NT5DC1: variants seen among roughly 807,000 people sequenced by gnomAD.
NT5DC1 encodes the protein 5'-nucleotidase domain containing 1.
NT5DC1 carries 42 observed loss-of-function variants against 59.4 expected under a neutral mutation model. The observed-to-expected ratio is 0.71, with a 90% CI of 0.55 to 0.92. NT5DC1 has a LOEUF of 0.92. NT5DC1 is among the 40% of genes least tolerant of loss of function. The pLI, the probability that NT5DC1 is intolerant of heterozygous loss-of-function variation, is 0.00. For synonymous variants in NT5DC1, 172 were observed against 188.1 expected (o/e 0.91, Z 0.70); for missense variants, 501 against 537.1 (o/e 0.93, Z 0.66).
intron 4 of NT5DC1, among the ~76,000 whole-genome samples, chr6:116,111,420 T>G (rs970180529): frequency 6.6e-6 from 1 of 152,220 alleles, no homozygotes; most frequent in Non-Finnish European, 1.5e-5. Context: ...TTTTAACTAT[T>G]TTTATTTTCT....
Position 116,147,015 on chromosome 6 carries a change from T to A in NT5DC1, c.529+29070T>A, listed in dbSNP as rs948457843. Among the ~76,000 whole-genome samples the A allele has an allele frequency of 3.7e-5, 5 of 136,084 alleles. No homozygotes were observed. In the East Asian group the frequency reaches 6.0e-4, roughly 16 times the overall value. 89.3% of individuals were successfully genotyped at this position (136,084 alleles called of 152,430 possible). A position where few individuals can be genotyped will look rare whatever the true frequency, so the allele number is the denominator to read the frequency against. Reference sequence around the variant, plus strand: ...AATAATATAAAATATATATATATATTTTTAATCATGTAGTCAGAAAGCCTT... The same window carrying A: ...AATAATATAAAATATATATATATATATTTAATCATGTAGTCAGAAAGCCTT... On this transcript the variant is annotated intron_variant, in intron 6 of 11. Transcript: ENST00000319550.
chr6:116,239,452 C>T (rs1028238642), intron 11 of NT5DC1, among the ~76,000 whole-genome samples: 4 of 152,060 alleles, frequency 2.6e-5, no homozygotes, highest in Non-Finnish European at 4.4e-5. Context: ...ATTCCGGAGG[C>T]GGCACCACAG....
chr6:116,200,556 T>C (rs1436100969), intron 6 of NT5DC1, among the ~76,000 whole-genome samples: 1 of 152,084 alleles, frequency 6.6e-6, no homozygotes, highest in East Asian at 1.9e-4. Flanking sequence ...ATTAAAATTT[T>C]ATTTTAAAAA....
At chr6:116,121,370 G>T (rs188598435) in intron 6 of NT5DC1, 1 of 1,614,124 alleles carries the variant, frequency 6.2e-7, no homozygotes, top group Non-Finnish European at 8.5e-7. Flanking sequence ...TTGGGGACCT[G>T]GTGGGCCAAT....
intron 6 of NT5DC1, among the ~76,000 whole-genome samples, chr6:116,129,450 A>G (rs1226560780): frequency 6.6e-6 from 1 of 152,322 alleles, no homozygotes; most frequent in South Asian, 2.1e-4. Context: ...TGCGAGGACT[A>G]TGCCCTCATA....
chr6:116,218,534 T>C (rs1781731375), intron 6 of NT5DC1, among the ~76,000 whole-genome samples: 1 of 152,150 alleles, frequency 6.6e-6, no homozygotes. Context: ...CATCCACTCA[T>C]CAAACTTCTC....
At chr6:116,207,838 G>A (rs1781488982) in intron 6 of NT5DC1, among the ~76,000 whole-genome samples, 1 of 151,856 alleles carries the variant, frequency 6.6e-6, no homozygotes, top group African/African-American at 2.4e-5. Flanking sequence ...TCTTTACTCT[G>A]TGCCTCATTA....
rs1232309189 is a variant in NT5DC1, at chr6:116,100,945, C to A, written c.15C>A (p.Phe5Leu). The change falls in exon 1 of 12, where the codon TTC becomes TTA. Residue 5 changes from phenylalanine (F) to leucine (L), a missense_variant. Transcript: ENST00000319550. MAQHFSLAACDVVGF... is the reference protein window; with the variant it reads MAQHLSLAACDVVGF... ...CCCGCGCAGCCATGGCTCAGCACTT[C>A]TCCCTGGCCGCCTGCGACGTGGTCG... The A allele has an allele frequency of 6.2e-7, 1 of 1,603,940 alleles. No homozygotes were observed. Among genetic ancestry groups the A allele is most frequent in the Non-Finnish European group, 8.5e-7 (1 of 1,176,488 alleles).
chr6:116,120,757 A>G, intron 6 of NT5DC1: 1 of 1,607,858 alleles, frequency 6.2e-7, no homozygotes, highest in Non-Finnish European at 8.5e-7. Context: ...GTGGCCCAAT[A>G]GGGCCTCTAG....
chr6:116,216,951 C>T (rs986990273), intron 6 of NT5DC1, among the ~76,000 whole-genome samples: 2 of 152,080 alleles, frequency 1.3e-5, no homozygotes, highest in Non-Finnish European at 2.9e-5. Context: ...AAATTATATT[C>T]TGCAATGGAA....
At chr6:116,203,977 G>A (rs1056917999) in intron 6 of NT5DC1, among the ~76,000 whole-genome samples, 2 of 151,750 alleles carry the variant, frequency 1.3e-5, no homozygotes, top group African/African-American at 4.8e-5. Flanking sequence ...ACACACACAC[G>A]GTGATCATCA....
chr6:116,139,814 A>G (rs1037088737), intron 6 of NT5DC1, among the ~76,000 whole-genome samples: 1 of 152,164 alleles, frequency 6.6e-6, no homozygotes, highest in African/African-American at 2.4e-5. Context: ...TGTGAGGGCC[A>G]TTTGTATAAA....
chr6:116,137,306 A>G (rs896164985), intron 6 of NT5DC1: 6 of 160,310 alleles, frequency 3.7e-5, no homozygotes, highest in African/African-American at 1.4e-4. Flanking sequence ...TCCACACTTT[A>G]TACTTGGCAT....
At chr6:116,168,998 C>T (rs1780544738) in intron 6 of NT5DC1, among the ~76,000 whole-genome samples, 1 of 152,144 alleles carries the variant, frequency 6.6e-6, no homozygotes, top group Non-Finnish European at 1.5e-5. Flanking sequence ...CTAATAAACC[C>T]TGGAGAGTTT....
At chr6:116,113,064 A>G (rs141807720) in intron 4 of NT5DC1, among the ~76,000 whole-genome samples, 11 of 152,362 alleles carry the variant, frequency 7.2e-5, no homozygotes, top group Non-Finnish European at 1.3e-4. Context: ...GCTGATCTCC[A>G]GAGAGCAAAT....
At chr6:116,122,982 G>A (rs554874419) in intron 6 of NT5DC1, among the ~76,000 whole-genome samples, 1 of 152,048 alleles carries the variant, frequency 6.6e-6, no homozygotes, top group South Asian at 2.1e-4. Flanking sequence ...TGATTGTAGT[G>A]TACATACATG....
At position 116,219,041 on chromosome 6, in the gene NT5DC1, G is replaced by A. The variant is rs538986082; in HGVS notation, c.530-2013G>A. On this transcript the variant is annotated intron_variant, in intron 6 of 11. Transcript: ENST00000319550. ...ACAGTGGCTCATGCCTGTAATCACA[G>A]CACTTTCAGAGGCCCGAGGTGGGAG... 8.1e-4 allele frequency among the ~76,000 whole-genome samples: 124 copies of A among 152,226 alleles called. 1 individual carries two copies. Among genetic ancestry groups the A allele is most frequent in the African/African-American group, 2.7e-3 (114 of 41,556 alleles).
rs368491891 is a variant in NT5DC1, at chr6:116,192,312, TATC to T, written c.530-28740_530-28738del. ...TACATAGTGAGGAGCTCTCAATAAA[TATC>T]AGCAGATAATATTAATAATGAAAAG... On this transcript the variant is annotated intron_variant, in intron 6 of 11. Transcript: ENST00000319550. 3.4e-3 allele frequency among the ~76,000 whole-genome samples: 520 copies of T among 152,148 alleles called. 15 individuals are homozygous for T. In the South Asian group the frequency reaches 0.046, roughly 14 times the overall value.
In NT5DC1 at chr6:116,246,245, G is replaced by C. The variant is rs562776343; in HGVS notation, c.*2221G>C. 5 of 152,122 alleles carry C rather than the reference G, an allele frequency of 3.3e-5. No individual in the cohort carries two copies. Among genetic ancestry groups the C allele is most frequent in the African/African-American group, 9.6e-5 (4 of 41,510 alleles). The allele number at this position is 152,122 out of a possible 1,614,324, so 9.4% of individuals were successfully genotyped here. A position where few individuals can be genotyped will look rare whatever the true frequency, so the allele number is the denominator to read the frequency against. The stretch of plus-strand genomic sequence containing the variant: ...TAAAAATAGATGTAAGCGAGCGGAG[G>C]TTTTCTTTGCTGGCCACTGTTTATC... On this transcript the variant is annotated 3_prime_UTR_variant, in exon 12 of 12. Coordinates refer to ENST00000319550, the MANE Select transcript of NT5DC1 (RefSeq NM_152729.3).
Sources: gnomAD v4.1 joint callset for allele counts (sites outside exome capture counted in the v4.1 genomes callset) on GRCh38, gnomAD v4.1.1 for gene constraint, MANE v1.5 for transcripts, NCBI Gene and HGNC (gene_info 2026-07-23, HGNC 2026-07-21) for gene names.